NAALADL2: variants seen among roughly 807,000 people sequenced by gnomAD.
NAALADL2 encodes the protein inactive N-acetylated-alpha-linked acidic dipeptidase-like protein 2.
NAALADL2 carries 76 observed loss-of-function variants against 87.2 expected under a neutral mutation model. The observed-to-expected ratio is 0.87, with a 90% CI of 0.72 to 1.05. The LOEUF (loss-of-function observed/expected upper bound fraction) is 1.05, where lower values mean the gene tolerates loss of function less well. NAALADL2 is among the 50% of genes least tolerant of loss of function. The pLI is 0.00. For synonymous variants in NAALADL2, 354 were observed against 331.0 expected (o/e 1.07, Z -0.75); for missense variants, 1,089 against 945.8 (o/e 1.15, Z -1.99).
intron 2 of NAALADL2, among the ~76,000 whole-genome samples, chr3:174,694,082 T>C (rs1431831807): frequency 6.6e-6 from 1 of 152,158 alleles, no homozygotes; most frequent in African/African-American, 2.4e-5. Flanking sequence ...TGCAAGACCT[T>C]CAGACCCTTT....
intron 5 of NAALADL2, among the ~76,000 whole-genome samples, chr3:175,333,894 A>C (rs576145773): frequency 6.6e-6 from 1 of 152,326 alleles, no homozygotes; most frequent in East Asian, 1.9e-4. Context: ...AAATACCCTG[A>C]CTGGATCATT....
intron 1 of NAALADL2, among the ~76,000 whole-genome samples, chr3:174,492,517 G>A (rs1718266860): frequency 7.1e-6 from 1 of 141,368 alleles, no homozygotes; most frequent in South Asian, 2.6e-4. Context: ...CTGCCATGAG[G>A]GACACCTACT....
At chr3:175,293,008 G>A (rs1354171581) in intron 4 of NAALADL2, among the ~76,000 whole-genome samples, 1 of 129,806 alleles carries the variant, frequency 7.7e-6, no homozygotes, top group African/African-American at 2.9e-5. Flanking sequence ...CTGCACTCCA[G>A]CCTGGGTGAC....
At chr3:175,692,174 C>T (rs1384830190) in intron 11 of NAALADL2, among the ~76,000 whole-genome samples, 3 of 152,008 alleles carry the variant, frequency 2.0e-5, no homozygotes, top group Non-Finnish European at 2.9e-5. Context: ...CTGGGACTTA[C>T]CTATGTTCAT....
At chr3:175,082,224 T>C (rs901232625) in intron 1 of NAALADL2, among the ~76,000 whole-genome samples, 4 of 152,232 alleles carry the variant, frequency 2.6e-5, no homozygotes, top group African/African-American at 9.6e-5. Flanking sequence ...GTTATTGTTT[T>C]CTACTAATAA....
chr3:174,466,336 A>C, intron 1 of NAALADL2, among the ~76,000 whole-genome samples: 1 of 142,574 alleles, frequency 7.0e-6, no homozygotes, highest in Non-Finnish European at 1.5e-5. Context: ...TGTGTGGCCC[A>C]AGACAATTCT....
rs201372383 is a variant in NAALADL2 at position 175,423,051 on chromosome 3, A to AT, written c.1091-24166dup. 3.5e-3 allele frequency among the ~76,000 whole-genome samples: 324 copies of AT among 91,502 alleles called. 7 individuals carry two copies. Among genetic ancestry groups the AT allele is most frequent in the African/African-American group, 0.013 (304 of 23,720 alleles). The allele number at this position is 91,502 out of a possible 152,430, so 60.0% of individuals were successfully genotyped here. A position where few individuals can be genotyped will look rare whatever the true frequency, so the allele number is the denominator to read the frequency against. On this transcript the variant is annotated intron_variant, in intron 5 of 13. Transcript: ENST00000454872. ...AAAATATATATATATATATATATAT[A>AT]TTTTTTTTTTTTCCTGAGTTGTAGA...
At chr3:175,519,750 C>A (rs1355398189) in intron 9 of NAALADL2, among the ~76,000 whole-genome samples, 1 of 152,062 alleles carries the variant, frequency 6.6e-6, no homozygotes. Context: ...AAAGAAATTT[C>A]CTGTATATAC....
intron 2 of NAALADL2, among the ~76,000 whole-genome samples, chr3:174,701,021 G>A (rs555267269): frequency 6.6e-6 from 1 of 152,176 alleles, no homozygotes; most frequent in South Asian, 2.1e-4. Context: ...TAAAGAAACA[G>A]TCATGAAGGG....
intron 2 of NAALADL2, among the ~76,000 whole-genome samples, chr3:174,718,779 G>C (rs529625355): frequency 3.9e-5 from 6 of 152,104 alleles, no homozygotes; most frequent in Non-Finnish European, 7.4e-5. Context: ...AGTACTTGCC[G>C]CTCCCTTTAG....
At chr3:174,592,686 C>T (rs1192304610) in intron 2 of NAALADL2, among the ~76,000 whole-genome samples, 1 of 152,260 alleles carries the variant, frequency 6.6e-6, no homozygotes, top group African/African-American at 2.4e-5. Context: ...TGGCTCCTCA[C>T]TAGCAGAAAT....
rs1024181350 is a variant in NAALADL2, at chr3:175,807,561, T to C, written c.*4358T>C. The C allele has an allele frequency of 1.3e-5, 2 of 151,874 alleles. No homozygotes were observed. Among genetic ancestry groups the C allele is most frequent in the African/African-American group, 4.8e-5 (2 of 41,400 alleles). 9.4% of individuals were successfully genotyped at this position (151,874 alleles called of 1,614,324 possible). A position where few individuals can be genotyped will look rare whatever the true frequency, so the allele number is the denominator to read the frequency against. On this transcript the variant is annotated 3_prime_UTR_variant, in exon 14 of 14. Transcript: ENST00000454872. ...TATTTAAATGTGCCTTAGCCACACA[T>C]TTGCTTAATAGAAAGGAATTATTTT... is the stretch of plus-strand genomic sequence containing the variant.
At chr3:174,708,636 T>C (rs1035423675) in intron 2 of NAALADL2, among the ~76,000 whole-genome samples, 3 of 152,186 alleles carry the variant, frequency 2.0e-5, no homozygotes, top group African/African-American at 7.2e-5. Context: ...TGTTTGTTTG[T>C]AAATTTGTCC....
rs185836878 is a variant in NAALADL2, at chr3:174,678,549, C to T, written c.-114-59092C>T. On this transcript the variant is annotated intron_variant, in intron 2 of 3. Transcript: ENST00000434257. ...GGTATTTGATGTAATCACACTTCTTCATTTATGCCATTTGATTTTTATTTA... is the reference window on the plus strand; with the variant it reads ...GGTATTTGATGTAATCACACTTCTTTATTTATGCCATTTGATTTTTATTTA... Among the ~76,000 whole-genome samples the T allele has an allele frequency of 2.9e-3, 440 of 152,252 alleles. 9 individuals are homozygous for T. The highest frequency in any genetic ancestry group is 0.026 in the Admixed American group (395 of 15,268).
intron 9 of NAALADL2, among the ~76,000 whole-genome samples, chr3:175,575,353 C>T (rs1269746886): frequency 1.3e-5 from 2 of 152,076 alleles, no homozygotes; most frequent in South Asian, 2.1e-4. Flanking sequence ...GGTACACTCT[C>T]GGCTCACTGC....
intron 1 of NAALADL2, among the ~76,000 whole-genome samples, chr3:174,871,423 C>A (rs758305156): frequency 1.3e-5 from 2 of 152,158 alleles, no homozygotes; most frequent in East Asian, 3.9e-4. Flanking sequence ...CAGCATCTGG[C>A]GTCAGAAAAG....
In NAALADL2 at chr3:174,787,576, CATATATATATATATATATATAT is replaced by C. The variant is rs71300440; in HGVS notation, c.-9+49854_-9+49875del. 2.7e-3 allele frequency among the ~76,000 whole-genome samples: 40 copies of C among 14,734 alleles called. 4 individuals carry two copies. Among genetic ancestry groups the C allele is most frequent in the African/African-American group, 4.3e-3 (24 of 5,556 alleles). The allele number at this position is 14,734 out of a possible 152,430, so 9.7% of individuals were successfully genotyped here. Reference sequence around the variant, plus strand: ...TTAATAGAAGAAGGCAATATATCATCATATATATATATATATATATATATATATATATATATATATATATAGT... The same window carrying C: ...TTAATAGAAGAAGGCAATATATCATCATATATATATATATATATATATAGT... On this transcript the variant is annotated intron_variant, in intron 3 of 3. Transcript: ENST00000434257.
chr3:175,771,006 T>A (rs1462321124), intron 13 of NAALADL2, among the ~76,000 whole-genome samples: 1 of 152,172 alleles, frequency 6.6e-6, no homozygotes, highest in Non-Finnish European at 1.5e-5. Context: ...AAATAGAATA[T>A]CACATGGGTG....
intron 5 of NAALADL2, among the ~76,000 whole-genome samples, chr3:175,335,619 A>G (rs1488335540): frequency 6.6e-6 from 1 of 152,190 alleles, no homozygotes; most frequent in Non-Finnish European, 1.5e-5. Flanking sequence ...AAGTATGTAA[A>G]AATAAATCTT....
Sources: gnomAD v4.1 joint callset for allele counts (sites outside exome capture counted in the v4.1 genomes callset) on GRCh38, gnomAD v4.1.1 for gene constraint, MANE v1.5 for transcripts, NCBI Gene and HGNC (gene_info 2026-07-23, HGNC 2026-07-21) for gene names.